GEMIN4: variants seen among roughly 807,000 people sequenced by gnomAD.
The protein encoded by GEMIN4 is gem-associated protein 4.
A neutral mutation model predicts 76.8 loss-of-function variants in GEMIN4; 59 were observed. The observed-to-expected ratio is 0.77, with a 90% CI of 0.62 to 0.95. GEMIN4 has a LOEUF of 0.95. Among genes scored for constraint, GEMIN4 ranks in the 40% least tolerant of loss-of-function variants. The probability of loss-of-function intolerance (pLI) is 0.00; values close to 1 mark genes in which losing one functional copy is unlikely to be tolerated. For synonymous variants in GEMIN4, 562 were observed against 559.7 expected, an observed-to-expected ratio of 1.00 and a Z score of -0.06; for missense variants, 1,311 against 1,318.9, an observed-to-expected ratio of 0.99 and a Z score of 0.09.
chr17:745,170 T>C lies in GEMIN4; in HGVS notation c.2873A>G (p.Gln958Arg), dbSNP rs1171056191. 3 of 1,605,484 alleles carry C rather than the reference T, an allele frequency of 1.9e-6. No homozygotes were observed. The highest frequency in any genetic ancestry group is 2.6e-6 in the Non-Finnish European group (3 of 1,176,348). ...TRLLDSVRAIQAAGPWVQGPE... is the reference protein window; with the variant it reads ...TRLLDSVRAIRAAGPWVQGPE... Reference sequence around the variant, plus strand: ...TCCTTGAACCCAAGGGCCAGCTGCCTGTATCGCCCTGACTGAGTCCAGGAG... The same window carrying C: ...TCCTTGAACCCAAGGGCCAGCTGCCCGTATCGCCCTGACTGAGTCCAGGAG... The change falls in exon 2 of 2, where the codon CAG (glutamine) becomes CGG (arginine). Residue 958 changes from glutamine (Q) to arginine (R), a missense_variant. Physicochemically the swap from Gln to Arg is conservative, Grantham distance 43 (BLOSUM62 1). This residue lies in a region of GEMIN4 where 1,208 missense variants were observed against 1,166.9 expected (regional missense o/e 1.04). Transcript: ENST00000319004. The surrounding 1 kb of genome is among the most constrained non-coding windows in gnomAD (Gnocchi z 4.6).
At chr17:752,022 T>C (rs1331226207) in intron 1 of GEMIN4, 111 bp downstream of exon 1, 2 of 778,208 alleles carry the variant, frequency 2.6e-6, no homozygotes, top group Non-Finnish European at 3.5e-6. Flanking sequence ...GGGGGACGTT[T>C]CGGTCCGGGC....
chr17:746,410 C>T lies in GEMIN4; in HGVS notation c.1633G>A (p.Ala545Thr). Residue 545 changes from alanine (A) to threonine (T), a missense_variant, in exon 2 of 2, where the codon GCT (alanine) becomes ACT (threonine). By Grantham distance (58) the Ala-to-Thr change is moderately conservative. Transcript: ENST00000319004. This position sits in a 1 kb window ranked among gnomAD's most constrained non-coding sequence, Gnocchi z 4.3. ...QSASEQGLAK[A>T]VASVARLVIV... ...ACCAGGCGGGCCACGGAGGCCACAGCTTTTGCCAAGCCCTGTTCGGAGGCA... is the reference window on the plus strand; with the variant it reads ...ACCAGGCGGGCCACGGAGGCCACAGTTTTTGCCAAGCCCTGTTCGGAGGCA... 3.1e-6 allele frequency: 5 copies of T among 1,613,952 alleles called. No homozygotes were observed. Among genetic ancestry groups the T allele is most frequent in the Non-Finnish European group, 4.2e-6 (5 of 1,179,894 alleles).
At chr17:749,815 T>A in intron 1 of GEMIN4, 1 of 997,142 alleles carries the variant, frequency 1.0e-6, no homozygotes, top group Non-Finnish European at 1.2e-6. Flanking sequence ...TAAACTTGCC[T>A]TGGGAACAGG....
At position 744,757 on chromosome 17, in the gene GEMIN4, C is replaced by G; in HGVS notation, c.*109G>C. The G allele has an allele frequency of 8.3e-7, 1 of 1,199,930 alleles. No individual in the cohort carries two copies. The highest frequency in any genetic ancestry group is 1.1e-6 in the Non-Finnish European group (1 of 880,180). 74.3% of individuals were successfully genotyped at this position (1,199,930 alleles called of 1,614,324 possible). Reference sequence around the variant, plus strand: ...TAAAGTCCAGGCTGCTCGGGTCTGACCCCTACAGACCTGCCATGTTGAAGC... The same window carrying G: ...TAAAGTCCAGGCTGCTCGGGTCTGAGCCCTACAGACCTGCCATGTTGAAGC... On this transcript the variant is annotated 3_prime_UTR_variant, in exon 2 of 2. Coordinates refer to ENST00000319004, the MANE Select transcript of GEMIN4 (RefSeq NM_015721.3).
Position 745,363 on chromosome 17 carries a change from T to A in GEMIN4, c.2680A>T (p.Ile894Phe). The stretch of plus-strand genomic sequence containing the variant: ...AGGTTGAGCAGGGGAACAAACTGAA[T>A]ATATTCCAGGCTATAAGGGACATGG... ...LLHVPYSLEY[I>F]QFVPLLNLKP... is the part of the protein sequence containing the mutation. The change falls in exon 2 of 2, where the codon ATT becomes TTT. Residue 894 changes from isoleucine (I) to phenylalanine (F), a missense_variant. Ile to Phe is a conservative substitution (Grantham distance 21). Transcript: ENST00000319004. This position sits in a 1 kb window ranked among gnomAD's most constrained non-coding sequence, Gnocchi z 4.6. 2.5e-6 allele frequency: 4 copies of A among 1,613,026 alleles called. No individual in the cohort carries two copies. The highest frequency in any genetic ancestry group is 3.4e-6 in the Non-Finnish European group (4 of 1,179,854).
rs373211288 is a variant in GEMIN4, at chr17:747,229, C to A, written c.814G>T (p.Val272Leu). 1.2e-6 allele frequency: 2 copies of A among 1,613,740 alleles called. No homozygotes were observed. Among genetic ancestry groups the A allele is most frequent in the African/African-American group, 2.7e-5 (2 of 74,926 alleles). ...ATVYLDKLATVISVWNSDTQN... is the reference protein window; with the variant it reads ...ATVYLDKLATLISVWNSDTQN... ...GTGTCCGAGTTCCACACAGAGATCA[C>A]CGTGGCCAGTTTGTCCAGATACACG... The change falls in exon 2 of 2, where the codon GTG becomes TTG. Residue 272 changes from valine to leucine, a missense_variant. Physicochemically the swap from Val to Leu is conservative, Grantham distance 32. This residue lies in a region of GEMIN4 where 1,208 missense variants were observed against 1,166.9 expected (regional missense o/e 1.04). Transcript: ENST00000319004.
At chr17:751,132 C>T (rs1026407391) in intron 1 of GEMIN4, among the ~76,000 whole-genome samples, 1 of 152,156 alleles carries the variant, frequency 6.6e-6, no homozygotes, top group African/African-American at 2.4e-5. Flanking sequence ...CTTGCCACAG[C>T]CCGCTTCTTA....
Position 746,015 on chromosome 17 carries a change from C to G in GEMIN4, c.2028G>C (p.Gln676His), listed in dbSNP as rs760611110. The change falls in exon 2 of 2, where the codon CAG becomes CAC. Residue 676 changes from glutamine to histidine, a missense_variant. Physicochemically the swap from Gln to His is conservative, Grantham distance 24 (BLOSUM62 0). Around this residue, in one of 2 missense-constraint regions of GEMIN4, gnomAD observed 1,208 missense variants for 1,166.9 expected, o/e 1.04. Transcript: ENST00000319004. This position sits in a 1 kb window ranked among gnomAD's most constrained non-coding sequence, Gnocchi z 4.3. ...EVDLSLRIFI[Q>H]TLEANACREE... is the part of the protein sequence containing the mutation. ...CTCGGCACGCGTTTGCCTCTAGAGT[C>G]TGGATGAAGATCCTCAGACTGAGGT... is the stretch of plus-strand genomic sequence containing the variant. 2 of 1,613,670 alleles carry G rather than the reference C, an allele frequency of 1.2e-6. No homozygotes were observed. Among genetic ancestry groups the G allele is most frequent in the African/African-American group, 1.3e-5 (1 of 74,910 alleles).
chr17:748,063 T>C (rs1904371470), intron 1 of GEMIN4, 31 bp from the exon 2 acceptor site: 5 of 1,528,896 alleles, frequency 3.3e-6, no homozygotes, highest in African/African-American at 2.8e-5. Flanking sequence ...TAAGACAGTA[T>C]AGTGAAAATG....
chr17:744,814 C>G lies in GEMIN4; in HGVS notation c.*52G>C, dbSNP rs1017331743. ...TTTTCGCTCCCGCACAGGTAAGAAG[C>G]TGCTGATCTTCTGCAGACCCGCCAT... On this transcript the variant is annotated 3_prime_UTR_variant, in exon 2 of 2. Transcript: ENST00000319004. The G allele has an allele frequency of 5.2e-6, 8 of 1,548,716 alleles. No homozygotes were observed. Among genetic ancestry groups the G allele is most frequent in the Non-Finnish European group, 8.7e-7 (1 of 1,152,364 alleles).
chr17:746,994 T>C lies in GEMIN4; in HGVS notation c.1049A>G (p.Asp350Gly). 1 of 1,613,138 alleles carries C rather than the reference T, an allele frequency of 6.2e-7. No homozygotes were observed. The highest frequency in any genetic ancestry group is 1.3e-5 in the African/African-American group (1 of 74,956). Residue 350 changes from aspartate to glycine, a missense_variant, in exon 2 of 2, where the codon GAC (aspartate) becomes GGC (glycine). Coordinates refer to ENST00000319004, the MANE Select transcript of GEMIN4 (RefSeq NM_015721.3). The surrounding 1 kb of genome is among the most constrained non-coding windows in gnomAD (Gnocchi z 4.3). ...GTTCTGGCTGAAGGAAGTCAGACTG[T>C]CGCACAGCCGGTAGCTGTCGTAACT... ...GTSYDSYRLC[D>G]SLTSFSQNAT...
chr17:751,862 C>T (rs1349639456), intron 1 of GEMIN4: 4 of 374,202 alleles, frequency 1.1e-5, no homozygotes, highest in Non-Finnish European at 1.9e-5. Context: ...GTGCGCGAGC[C>T]CCGGGCGCTT....
chr17:745,750 G>C lies in GEMIN4; in HGVS notation c.2293C>G (p.Gln765Glu), dbSNP rs1174116862. Reference sequence around the variant, plus strand: ...CTCAGGCCCACAGTCCAGTCTAGCTGTTCTAACTTGCGGTGGAGCCAGGAC... The same window carrying C: ...CTCAGGCCCACAGTCCAGTCTAGCTCTTCTAACTTGCGGTGGAGCCAGGAC... ...SLSWLHRKLE[Q>E]LDWTVGLRLK... Residue 765 changes from glutamine (Q) to glutamate (E), a missense_variant, in exon 2 of 2, where the codon CAG becomes GAG. Coordinates refer to ENST00000319004, the MANE Select transcript of GEMIN4 (RefSeq NM_015721.3). The surrounding 1 kb of genome is among the most constrained non-coding windows in gnomAD (Gnocchi z 4.6). The C allele has an allele frequency of 6.2e-7, 1 of 1,610,022 alleles. No homozygotes were observed. Among genetic ancestry groups the C allele is most frequent in the South Asian group, 1.1e-5 (1 of 90,438 alleles).
upstream of GEMIN4, chr17:752,491 C>G (rs1039363413): frequency 4.5e-6 from 2 of 440,156 alleles, no homozygotes; most frequent in Non-Finnish European, 3.5e-6. Context: ...CACCCTCACC[C>G]GGTAACCCCG....
In GEMIN4 at chr17:747,023, C is replaced by G; in HGVS notation, c.1020G>C (p.Gly340=). ...ELQAVLRSSQ[G]TSYDSYRLCD... ...ACAGCCGGTAGCTGTCGTAACTTGT[C>G]CCCTGGCTGCTGCGGAGCACGGCCT... The change falls in exon 2 of 2, where the codon GGG becomes GGC. Residue 340 remains glycine, a synonymous_variant. Coordinates refer to ENST00000319004, the MANE Select transcript of GEMIN4 (RefSeq NM_015721.3). 1 of 1,613,308 alleles carries G rather than the reference C, an allele frequency of 6.2e-7. No homozygotes were observed. The highest frequency in any genetic ancestry group is 8.5e-7 in the Non-Finnish European group (1 of 1,179,792).
Position 744,654 on chromosome 17 carries a change from T to C in GEMIN4, c.*212A>G. 1.9e-6 allele frequency: 1 copy of C among 533,092 alleles called. No individual in the cohort carries two copies. The highest frequency in any genetic ancestry group is 2.9e-5 in the South Asian group (1 of 34,144). The allele number at this position is 533,092 out of a possible 1,614,324, so 33.0% of individuals were successfully genotyped here. On this transcript the variant is annotated 3_prime_UTR_variant, in exon 2 of 2. Transcript: ENST00000319004. ...AGAGGAGAATTTTTATGATAGTTTGTACGTTACAAATACCCAAGAAACTAT... is the reference window on the plus strand; with the variant it reads ...AGAGGAGAATTTTTATGATAGTTTGCACGTTACAAATACCCAAGAAACTAT...
At chr17:749,507 A>G (rs1370094141) in intron 1 of GEMIN4, among the ~76,000 whole-genome samples, 1 of 147,332 alleles carries the variant, frequency 6.8e-6, no homozygotes, top group South Asian at 2.2e-4. Context: ...GGCACAGAGC[A>G]ATCACACAGC....
At position 744,797 on chromosome 17, in the gene GEMIN4, C is replaced by T; in HGVS notation, c.*69G>A. On this transcript the variant is annotated 3_prime_UTR_variant, in exon 2 of 2. Coordinates refer to ENST00000319004, the MANE Select transcript of GEMIN4 (RefSeq NM_015721.3). ...CATGTTGAAGCCCAGCTTTTTCGCT[C>T]CCGCACAGGTAAGAAGCTGCTGATC... The T allele has an allele frequency of 6.7e-7, 1 of 1,501,744 alleles. No individual in the cohort carries two copies. The allele number at this position is 1,501,744 out of a possible 1,614,324, so 93.0% of individuals were successfully genotyped here.
chr17:750,786 G>C, intron 1 of GEMIN4, among the ~76,000 whole-genome samples: 1 of 152,172 alleles, frequency 6.6e-6, no homozygotes, highest in Admixed American at 6.5e-5. Context: ...AGCAGGCCAA[G>C]GGCTCAGCAC....
Sources: gnomAD v4.1 joint callset for allele counts (sites outside exome capture counted in the v4.1 genomes callset) on GRCh38, gnomAD v4.1.1 for gene constraint, gnomAD v4.1.1 regional missense constraint, Gnocchi (gnomAD v3.1) non-coding constraint, MANE v1.5 for transcripts, NCBI Gene and HGNC (gene_info 2026-07-23, HGNC 2026-07-21) for gene names.